Variants in LRGUK observed in about 807,000 individuals in gnomAD.
The protein encoded by LRGUK is leucine rich repeats and guanylate kinase domain containing, also known as leucine-rich repeat and guanylate kinase domain-containing protein.
In LRGUK, 65 loss-of-function variants were observed where a neutral mutation model predicts 76.0. The ratio of observed to expected loss-of-function variants is 0.85; its 90% confidence interval spans 0.70 to 1.05. The LOEUF (loss-of-function observed/expected upper bound fraction) is 1.05. Ranked by LOEUF, LRGUK falls within the 50% of genes least tolerant of loss-of-function variation. The pLI is 0.00. For missense variants in LRGUK, 758 were observed against 732.8 expected, an observed-to-expected ratio of 1.03 and a Z score of -0.40; for synonymous variants, 268 against 265.6, an observed-to-expected ratio of 1.01 and a Z score of -0.09.
At chr7:134,148,206 A>G (rs372812764) in intron 4 of LRGUK, 32 bp from the exon 5 acceptor site, 99 of 1,332,038 alleles carry the variant, frequency 7.4e-5, no homozygotes, top group African/African-American at 6.2e-4. Context: ...ATGAAATATT[A>G]ATATAACATC....
chr7:134,166,305 C>T (rs1227691669), intron 7 of LRGUK, among the ~76,000 whole-genome samples: 1 of 152,134 alleles, frequency 6.6e-6, no homozygotes, highest in Non-Finnish European at 1.5e-5. Flanking sequence ...CTTAAGGCCA[C>T]TTGAGAATGT....
intron 6 of LRGUK, among the ~76,000 whole-genome samples, chr7:134,161,399 A>G (rs1461628769): frequency 6.6e-6 from 1 of 152,040 alleles, no homozygotes; most frequent in Non-Finnish European, 1.5e-5. Flanking sequence ...TACTTTGGCA[A>G]ATGGATTATG....
intron 15 of LRGUK, among the ~76,000 whole-genome samples, chr7:134,217,295 G>A (rs1211427519): frequency 6.6e-6 from 1 of 151,752 alleles, no homozygotes; most frequent in Non-Finnish European, 1.5e-5. Flanking sequence ...GGAAAAGAAC[G>A]TTTTTGTACT....
At chr7:134,210,455 G>A (rs1801209731), downstream of LRGUK, among the ~76,000 whole-genome samples, 1 of 152,178 alleles carries the variant, frequency 6.6e-6, no homozygotes, top group Admixed American at 6.5e-5. Context: ...GAATGTAGAT[G>A]TGTCCAAACA....
Position 134,209,376 on chromosome 7 carries a change from CT to C in LRGUK, c.2514del (p.Gly839AlafsTer7), listed in dbSNP as rs1369967312. ...CACACTGACTTGGTGCAGAAACTTG[CT>C]GGCGATTCTCAGCAAGCTCTGAAGG... is the stretch of plus-strand genomic sequence containing the variant. On this transcript the variant is annotated frameshift_variant, in exon 16 of 16. Transcript: ENST00000645682. LOFTEE classifies it low-confidence loss of function (END_TRUNC). 1.8e-5 allele frequency: 7 copies of C among 399,048 alleles called. No homozygotes were observed. The highest frequency in any genetic ancestry group is 3.1e-5 in the Non-Finnish European group (7 of 226,172). 24.7% of individuals were successfully genotyped at this position (399,048 alleles called of 1,614,324 possible).
At chr7:134,137,085 C>T (rs1343334575) in exon 2 of LRGUK, 1 of 1,613,354 alleles carries the variant, frequency 6.2e-7, no homozygotes, top group East Asian at 2.2e-5. Flanking sequence ...ACTTGGGGCG[C>T]TCAGGCTCTG....
intron 15 of LRGUK, among the ~76,000 whole-genome samples, chr7:134,220,401 G>A (rs892530184): frequency 7.9e-5 from 12 of 152,068 alleles, no homozygotes; most frequent in Non-Finnish European, 1.5e-4. Context: ...CACACAGTTT[G>A]GGAGGAGTTC....
At chr7:134,183,759 T>C (rs1225403914) in exon 11 of LRGUK, 1 of 1,614,028 alleles carries the variant, frequency 6.2e-7, no homozygotes, top group East Asian at 2.2e-5. Flanking sequence ...GGATGCCCCT[T>C]ATCCCATGCT....
chr7:134,133,597 A>G (rs1797398611), intron 1 of LRGUK, among the ~76,000 whole-genome samples: 2 of 152,172 alleles, frequency 1.3e-5, no homozygotes, highest in Non-Finnish European at 2.9e-5. Context: ...AGTGGCTGGC[A>G]TGTGCTAGGT....
At chr7:134,156,871 A>C (rs58430898) in intron 5 of LRGUK, among the ~76,000 whole-genome samples, 142 of 152,338 alleles carry the variant, frequency 9.3e-4, no homozygotes, top group African/African-American at 3.2e-3. Context: ...ATCATTAAAG[A>C]GATATTTTAA....
intron 7 of LRGUK, among the ~76,000 whole-genome samples, chr7:134,170,079 A>G (rs1382011064): frequency 2.0e-5 from 3 of 152,192 alleles, no homozygotes; most frequent in African/African-American, 7.2e-5. Context: ...GCATTATTTT[A>G]TATAAAAATT....
chr7:134,182,733 T>C (rs1799806892), intron 10 of LRGUK, among the ~76,000 whole-genome samples: 3 of 150,102 alleles, frequency 2.0e-5, no homozygotes, highest in Non-Finnish European at 3.0e-5. Context: ...TTGTTCAGTG[T>C]GTTGCAGGAG....
intron 15 of LRGUK, among the ~76,000 whole-genome samples, chr7:134,203,178 A>C (rs1800857771): frequency 6.6e-6 from 1 of 152,042 alleles, no homozygotes; most frequent in Admixed American, 6.5e-5. Flanking sequence ...ACTCTAGCCT[A>C]GTGTCAGAGC....
intron 16 of LRGUK, among the ~76,000 whole-genome samples, chr7:134,240,887 G>A (rs1802134272): frequency 6.6e-6 from 1 of 152,166 alleles, no homozygotes; most frequent in African/African-American, 2.4e-5. Flanking sequence ...GAAGAGAGTG[G>A]GGGCCAATAT....
chr7:134,191,601 C>G, intron 11 of LRGUK, 54 bp from the exon 12 acceptor site: 1 of 1,158,576 alleles, frequency 8.6e-7, no homozygotes, highest in South Asian at 1.3e-5. Context: ...GAAACCTTTT[C>G]CATTTTGAAT....
intron 3 of LRGUK, among the ~76,000 whole-genome samples, chr7:134,141,871 G>A (rs995477523): frequency 6.6e-6 from 1 of 152,146 alleles, no homozygotes; most frequent in African/African-American, 2.4e-5. Flanking sequence ...TCAAAGTACT[G>A]TCTCTCCTGG....
At chr7:134,196,079 G>A (rs757129690) in intron 12 of LRGUK, among the ~76,000 whole-genome samples, 5 of 152,100 alleles carry the variant, frequency 3.3e-5, no homozygotes, top group Admixed American at 1.3e-4. Context: ...TGCTGCCACC[G>A]CCATTTGATG....
chr7:134,263,832 G>A lies in LRGUK; in HGVS notation c.2348-13G>A. On this transcript the variant is annotated splice_polypyrimidine_tract_variant and intron_variant, in intron 19 of 19. Coordinates refer to the LRGUK transcript ENST00000285928. Reference sequence around the variant, plus strand: ...CAAGGGATTAACTATCTTTTTTTCTGAATGTTTTACAGCACTACCTATACA... The same window carrying A: ...CAAGGGATTAACTATCTTTTTTTCTAAATGTTTTACAGCACTACCTATACA... 6.3e-7 allele frequency: 1 copy of A among 1,586,364 alleles called. No individual in the cohort carries two copies. The highest frequency in any genetic ancestry group is 8.6e-7 in the Non-Finnish European group (1 of 1,168,082).
chr7:134,200,100 G>C (rs1800705084), intron 14 of LRGUK, among the ~76,000 whole-genome samples: 1 of 143,280 alleles, frequency 7.0e-6, no homozygotes, highest in Non-Finnish European at 1.5e-5. Flanking sequence ...GCGTGATCTT[G>C]GTTCACTACA....
Sources: gnomAD v4.1 joint callset for allele counts (sites outside exome capture counted in the v4.1 genomes callset) on GRCh38, gnomAD v4.1.1 for gene constraint, MANE v1.5 for transcripts, NCBI Gene and HGNC (gene_info 2026-07-23, HGNC 2026-07-21) for gene names.